OLFML1: variants seen among roughly 807,000 people sequenced by gnomAD.
OLFML1 encodes the protein olfactomedin like 1.
OLFML1 carries 33 observed loss-of-function variants against 37.3 expected under a neutral mutation model. That is an observed-to-expected ratio of 0.88 (90% CI 0.67 to 1.18). OLFML1 has a LOEUF of 1.18. OLFML1 is among the 50% of genes most tolerant of loss of function. The probability of loss-of-function intolerance (pLI) is 0.00; values close to 1 mark genes in which losing one functional copy is unlikely to be tolerated. For missense variants in OLFML1, 545 were observed against 483.7 expected (o/e 1.13, Z -1.19); for synonymous variants, 186 against 181.3 (o/e 1.03, Z -0.21).
intron 2 of OLFML1, among the ~76,000 whole-genome samples, chr11:7,500,902 T>A (rs1848715355): frequency 6.6e-6 from 1 of 151,860 alleles, no homozygotes; most frequent in East Asian, 1.9e-4. Context: ...TAAAAAAACT[T>A]AAAAAAAGAA....
At chr11:7,505,389 A>G (rs1564922586) in intron 2 of OLFML1, among the ~76,000 whole-genome samples, 1 of 152,118 alleles carries the variant, frequency 6.6e-6, no homozygotes, top group East Asian at 1.9e-4. Context: ...TCTTATTAAG[A>G]CTACTCTTTC....
chr11:7,501,867 C>G (rs546003785), intron 2 of OLFML1, among the ~76,000 whole-genome samples: 2 of 152,176 alleles, frequency 1.3e-5, no homozygotes, highest in South Asian at 2.1e-4. Context: ...TTATGAACCC[C>G]CAACTCACTG....
chr11:7,496,011 T>G (rs1848658711), intron 2 of OLFML1, among the ~76,000 whole-genome samples: 1 of 152,174 alleles, frequency 6.6e-6, no homozygotes. Context: ...ACGCCTAAAC[T>G]TAGTGGGTTC....
chr11:7,510,310 G>C lies in OLFML1; in HGVS notation c.*122G>C, dbSNP rs1327744758. The C allele has an allele frequency of 2.6e-5, 20 of 778,106 alleles. No homozygotes were observed. The highest frequency in any genetic ancestry group is 4.0e-5 in the Non-Finnish European group (20 of 501,176). 48.2% of individuals were successfully genotyped at this position (778,106 alleles called of 1,614,324 possible). A position where few individuals can be genotyped will look rare whatever the true frequency, so the allele number is the denominator to read the frequency against. On this transcript the variant is annotated 3_prime_UTR_variant, in exon 3 of 3. Coordinates refer to ENST00000329293, the MANE Select transcript of OLFML1 (RefSeq NM_198474.4). ...ACACACAGGAAGAGTGTGTAGAAGT[G>C]GAAATACGTATGCCTCCTTTCCCAA...
At chr11:7,490,348 C>A (rs1307328827) in intron 2 of OLFML1, among the ~76,000 whole-genome samples, 1 of 152,024 alleles carries the variant, frequency 6.6e-6, no homozygotes, top group East Asian at 1.9e-4. Context: ...CAGGGGCTTC[C>A]TAAAAAGCTG....
At chr11:7,507,726 T>C (rs1848802299) in intron 2 of OLFML1, among the ~76,000 whole-genome samples, 1 of 152,088 alleles carries the variant, frequency 6.6e-6, no homozygotes, top group Non-Finnish European at 1.5e-5. Flanking sequence ...TTTTTGTATT[T>C]TTAGCAGAGA....
rs567441238 is a variant in OLFML1, at chr11:7,498,361, A to C, written c.418+9946A>C. Among the ~76,000 whole-genome samples, 8 of 152,326 alleles carry C rather than the reference A, an allele frequency of 5.3e-5. No homozygotes were observed. The South Asian group carries it at 8.3e-4, about 16-fold the overall frequency. ...TGAGCAAAGTCTAAAACTTGCGGGA[A>C]GCCATGGCAGGTTTGGTGACTAGTG... On this transcript the variant is annotated intron_variant, in intron 2 of 2. Coordinates refer to ENST00000329293, the MANE Select transcript of OLFML1 (RefSeq NM_198474.4).
At chr11:7,496,373 C>A (rs140411143) in intron 2 of OLFML1, among the ~76,000 whole-genome samples, 290 of 152,356 alleles carry the variant, frequency 1.9e-3, no homozygotes, top group African/African-American at 6.5e-3. Context: ...CTCATGGAAA[C>A]AGGCAGCAAT....
intron 2 of OLFML1, among the ~76,000 whole-genome samples, chr11:7,504,197 G>A (rs1156593794): frequency 6.6e-6 from 1 of 152,068 alleles, no homozygotes; most frequent in Non-Finnish European, 1.5e-5. Flanking sequence ...AAGTCATGTA[G>A]ATATTTGTTT....
In OLFML1 at chr11:7,488,282, C is replaced by T. The variant is rs905775641; in HGVS notation, c.285C>T (p.Ala95=). ...ACTTGGCACTGAGAGTTGAACGTGC[C>T]CAACGGGAGATTGACTACATACAAT... is the stretch of plus-strand genomic sequence containing the variant. ...VGNLALRVER[A]QREIDYIQYL... is the part of the protein sequence containing the mutation. Residue 95 remains alanine (A), a synonymous_variant, in exon 2 of 3, where the codon GCC becomes GCT. Coordinates refer to ENST00000329293, the MANE Select transcript of OLFML1 (RefSeq NM_198474.4). 1 of 1,613,890 alleles carries T rather than the reference C, an allele frequency of 6.2e-7. No individual in the cohort carries two copies. Among genetic ancestry groups the T allele is most frequent in the African/African-American group, 1.3e-5 (1 of 74,858 alleles).
chr11:7,498,383 A>G (rs945356898), intron 2 of OLFML1, among the ~76,000 whole-genome samples: 7 of 152,210 alleles, frequency 4.6e-5, no homozygotes, highest in Non-Finnish European at 1.0e-4. Context: ...TTTGGTGACT[A>G]GTGACTAGTG....
intron 2 of OLFML1, among the ~76,000 whole-genome samples, chr11:7,494,009 G>C (rs117233821): frequency 0.059 from 8,941 of 152,262 alleles, 426 homozygotes; most frequent in Admixed American, 0.14. Context: ...AAAGCACAGG[G>C]GGCAGGCATT....
rs1371699301 is a variant in OLFML1, at chr11:7,510,211, G to A, written c.*23G>A. On this transcript the variant is annotated 3_prime_UTR_variant, in exon 3 of 3. Transcript: ENST00000329293. ...TAATGCATTACAGCTGTGAGAAAGA[G>A]CACTGTGGCTTTGGCAGCTGTTCTA... 6.3e-7 allele frequency: 1 copy of A among 1,576,844 alleles called. No homozygotes were observed.
rs771834207 is a variant in OLFML1, at chr11:7,510,154, A to T, written c.1175A>T (p.Lys392Ile). Residue 392 changes from lysine (K) to isoleucine (I), a missense_variant, in exon 3 of 3, where the codon AAA becomes ATA. Coordinates refer to ENST00000329293, the MANE Select transcript of OLFML1 (RefSeq NM_198474.4). ...AATGAAGGAAACCAGATCATTTACA[A>T]ACTCCAGACAAAGAGAAAGCTGCCT... Reference protein sequence around the residue: ...AWNEGNQIIYKLQTKRKLPLK With the variant: ...AWNEGNQIIYILQTKRKLPLK 3 of 1,610,668 alleles carry T rather than the reference A, an allele frequency of 1.9e-6. No homozygotes were observed. The South Asian group carries it at 3.3e-5, about 18-fold the overall frequency.
chr11:7,492,389 T>C (rs1228435897), intron 2 of OLFML1, among the ~76,000 whole-genome samples: 4 of 152,214 alleles, frequency 2.6e-5, no homozygotes, highest in Non-Finnish European at 5.9e-5. Flanking sequence ...TTCATTCATA[T>C]GTACGCATTG....
intron 2 of OLFML1, among the ~76,000 whole-genome samples, chr11:7,492,299 C>G (rs1002892288): frequency 2.6e-5 from 4 of 152,170 alleles, no homozygotes; most frequent in African/African-American, 9.7e-5. Context: ...ATCCTGAAGA[C>G]TCAAGTTAGC....
intron 2 of OLFML1, among the ~76,000 whole-genome samples, chr11:7,507,625 T>C (rs1848801228): frequency 6.6e-6 from 1 of 151,976 alleles, no homozygotes; most frequent in Non-Finnish European, 1.5e-5. Context: ...CTTGGCTCAC[T>C]GCAATGTCCG....
Position 7,485,750 on chromosome 11 carries a change from G to A in OLFML1, c.-126G>A. On this transcript the variant is annotated 5_prime_UTR_variant, in exon 1 of 3. Transcript: ENST00000329293. ...ACAAGCGGACTTTGCTCTCTGCTGT[G>A]CAAAACGCTGTTTTTAGAGGATTTG... 1 of 991,760 alleles carries A rather than the reference G, an allele frequency of 1.0e-6. No individual in the cohort carries two copies. 61.4% of individuals were successfully genotyped at this position (991,760 alleles called of 1,614,324 possible).
rs1848854666 is a variant in OLFML1 at position 7,511,075 on chromosome 11, G to A, written c.*887G>A. 2 of 152,118 alleles carry A rather than the reference G, an allele frequency of 1.3e-5. No homozygotes were observed. The highest frequency in any genetic ancestry group is 2.9e-5 in the Non-Finnish European group (2 of 68,032). 9.4% of individuals were successfully genotyped at this position (152,118 alleles called of 1,614,324 possible). On this transcript the variant is annotated 3_prime_UTR_variant, in exon 3 of 3. Coordinates refer to ENST00000329293, the MANE Select transcript of OLFML1 (RefSeq NM_198474.4). ...CTACAAATCCCATAGTTTTTCCATTGCCCAAGGAAGCATCAAATACGTATG... is the reference window on the plus strand; with the variant it reads ...CTACAAATCCCATAGTTTTTCCATTACCCAAGGAAGCATCAAATACGTATG...
Sources: allele counts gnomAD v4.1 joint callset (sites outside exome capture counted in the v4.1 genomes callset), GRCh38; gene constraint gnomAD v4.1.1; transcripts MANE v1.5; gene names NCBI Gene and HGNC (gene_info 2026-07-23, HGNC 2026-07-21).